The following ZFAT variants were observed in gnomAD, a reference collection of about 807,000 sequenced individuals.
ZFAT encodes zinc finger and AT-hook domain containing, also known as zinc finger protein ZFAT.
ZFAT carries 64 observed loss-of-function variants against 117.7 expected under a neutral mutation model. That is an observed-to-expected ratio of 0.54 (90% CI 0.44 to 0.67). ZFAT has a LOEUF of 0.67. Among genes scored for constraint, ZFAT ranks in the 30% least tolerant of loss-of-function variants. The probability of loss-of-function intolerance (pLI) is 0.00; values close to 1 mark genes in which losing one functional copy is unlikely to be tolerated. For synonymous variants in ZFAT, 679 were observed against 615.0 expected, an observed-to-expected ratio of 1.10 and a Z score of -1.54; for missense variants, 1,433 against 1,584.5, an observed-to-expected ratio of 0.90 and a Z score of 1.62.
At chr8:134,666,594 C>T (rs140378634) in intron 1 of ZFAT, among the ~76,000 whole-genome samples, 147 of 152,158 alleles carry the variant, frequency 9.7e-4, no homozygotes, top group African/African-American at 3.4e-3. Context: ...CATTGTGTCT[C>T]AGCAAAGAAA....
intron 3 of ZFAT, among the ~76,000 whole-genome samples, chr8:134,628,004 C>A (rs762900581): frequency 2.0e-5 from 3 of 152,042 alleles, no homozygotes; most frequent in Admixed American, 1.3e-4. Context: ...GAGGCACGTG[C>A]GCGGCACAAT....
intron 11 of ZFAT, among the ~76,000 whole-genome samples, chr8:134,535,482 TCCCC>T (rs1821762850): frequency 5.9e-5 from 2 of 33,986 alleles, no homozygotes; most frequent in African/African-American, 2.3e-4. Context: ...CCTCTCCCCC[TCCCC>T]CTCCCCCTCC....
intron 2 of ZFAT, among the ~76,000 whole-genome samples, chr8:134,645,758 T>TA (rs887977628): frequency 4.5e-4 from 69 of 152,134 alleles, no homozygotes; most frequent in African/African-American, 1.6e-3. Flanking sequence ...AGCCAGGAAA[T>TA]AGATGTGAAT....
chr8:134,639,885 A>C, intron 2 of ZFAT: 1 of 425,350 alleles, frequency 2.4e-6, no homozygotes, highest in Non-Finnish European at 4.7e-6. Context: ...GACACAAGCC[A>C]CTCCCCTGAA....
the ZFAT span, among the ~76,000 whole-genome samples, chr8:134,739,145 C>G: frequency 0.41 from 61,579 of 151,978 alleles, 13,284 homozygotes; most frequent in Non-Finnish European, 0.5. Flanking sequence ...ATGGATAATG[C>G]CATAGACCCC....
At chr8:134,517,751 T>C (rs1383766139) in intron 13 of ZFAT, among the ~76,000 whole-genome samples, 1 of 152,218 alleles carries the variant, frequency 6.6e-6, no homozygotes, top group Non-Finnish European at 1.5e-5. Flanking sequence ...ATATCTTTCA[T>C]GACCTTGACG....
chr8:134,756,867 A>G, the ZFAT span, among the ~76,000 whole-genome samples: 1 of 152,206 alleles, frequency 6.6e-6, no homozygotes, highest in Non-Finnish European at 1.5e-5. Context: ...CACTGTGGCC[A>G]CAGAATCCAG....
chr8:134,792,551 T>C, the ZFAT span: 1 of 152,210 alleles, frequency 6.6e-6, no homozygotes, highest in African/African-American at 2.4e-5. Context: ...AACAACTGTA[T>C]CTATGTGATT....
At chr8:134,788,389 A>G in the ZFAT span, among the ~76,000 whole-genome samples, 2 of 152,272 alleles carry the variant, frequency 1.3e-5, no homozygotes, top group Admixed American at 1.3e-4. Flanking sequence ...CAAGAAATCT[A>G]TTACATAATT....
At chr8:134,798,216 A>C in the ZFAT span, 1 of 152,030 alleles carries the variant, frequency 6.6e-6, no homozygotes, top group African/African-American at 2.4e-5. Context: ...AATAATTATA[A>C]GATACCAAAT....
chr8:134,670,391 T>C lies in ZFAT; in HGVS notation c.20-12654A>G, dbSNP rs566216394. ...AGCAAATGTAAAAGAACAGAAATTA[T>C]AACAAACTGTCTCTCAGACCACAGT... On this transcript the variant is annotated intron_variant, in intron 1 of 15. Transcript: ENST00000377838. 2.0e-5 allele frequency among the ~76,000 whole-genome samples: 3 copies of C among 152,362 alleles called. No homozygotes were observed. In the East Asian group the frequency reaches 5.8e-4, roughly 29 times the overall value.
In ZFAT at chr8:134,520,978, T is replaced by G. The variant is rs766214200; in HGVS notation, c.3139A>C (p.Ser1047Arg). The G allele has an allele frequency of 3.1e-6, 5 of 1,613,736 alleles. No individual in the cohort carries two copies. The East Asian group carries it at 1.1e-4, about 36-fold the overall frequency. The change falls in exon 13 of 16, where the codon AGC becomes CGC. Residue 1047 changes from serine (S) to arginine (R), a missense_variant. Physicochemically the swap from Ser to Arg is moderately radical, Grantham distance 110 (BLOSUM62 -1). Coordinates refer to ENST00000377838, the MANE Select transcript of ZFAT (RefSeq NM_020863.4). ...TCCCATTTGGTGCCATATACAAAGCTGCAAACAGGACACTTCAAACCACCT... is the reference window on the plus strand; with the variant it reads ...TCCCATTTGGTGCCATATACAAAGCGGCAAACAGGACACTTCAAACCACCT... ...QQGGLKCPVC[S>R]FVYGTKWEFN...
At chr8:134,614,660 G>T (rs1828592017) in intron 3 of ZFAT, among the ~76,000 whole-genome samples, 1 of 152,196 alleles carries the variant, frequency 6.6e-6, no homozygotes, top group Non-Finnish European at 1.5e-5. Context: ...AAGAAGACCT[G>T]CTCTGTTGTG....
chr8:134,760,568 G>A, the ZFAT span, among the ~76,000 whole-genome samples: 1 of 152,178 alleles, frequency 6.6e-6, no homozygotes, highest in Non-Finnish European at 1.5e-5. Flanking sequence ...GGAGTGGCGG[G>A]TGAGTGGGGG....
At chr8:134,771,332 T>C in the ZFAT span, among the ~76,000 whole-genome samples, 2 of 152,210 alleles carry the variant, frequency 1.3e-5, no homozygotes, top group South Asian at 4.1e-4. Flanking sequence ...GATTCCCTGA[T>C]ACTGAATGCC....
rs1234730339 is a variant in ZFAT, at chr8:134,532,926, G to A, written c.3023C>T (p.Ser1008Phe). Residue 1008 changes from serine (S) to phenylalanine (F), a missense_variant, in exon 12 of 16, where the codon TCT becomes TTT. By Grantham distance (155) the Ser-to-Phe change is radical. Coordinates refer to ENST00000377838, the MANE Select transcript of ZFAT (RefSeq NM_020863.4). ...CTTCCTGTTGTAGTGCCGCTTCAGA[G>A]AGCCAGATATGTTGCAGGAGTAATG... The part of the protein sequence containing the change: ...HCHYSCNISG[S>F]LKRHYNRKHP... 3 of 1,609,294 alleles carry A rather than the reference G, an allele frequency of 1.9e-6. No homozygotes were observed. Among genetic ancestry groups the A allele is most frequent in the Non-Finnish European group, 2.5e-6 (3 of 1,177,874 alleles).
chr8:134,514,293 A>G (rs1820086228), intron 13 of ZFAT, among the ~76,000 whole-genome samples: 1 of 152,218 alleles, frequency 6.6e-6, no homozygotes. Context: ...GCTTTACTGC[A>G]TGCTTTTATA....
At chr8:134,631,216 C>T (rs1478790422) in intron 3 of ZFAT, among the ~76,000 whole-genome samples, 1 of 152,246 alleles carries the variant, frequency 6.6e-6, no homozygotes, top group Non-Finnish European at 1.5e-5. Flanking sequence ...AGGACCCTGT[C>T]TGTCTGCCAT....
intron 1 of ZFAT, chr8:134,673,136 C>T (rs1055232119): frequency 6.6e-6 from 1 of 151,640 alleles, no homozygotes; most frequent in Non-Finnish European, 1.5e-5. Flanking sequence ...ATGTTGATAA[C>T]CTTCATAACT....
Sources: gnomAD v4.1 joint callset for allele counts (sites outside exome capture counted in the v4.1 genomes callset) on GRCh38, gnomAD v4.1.1 for gene constraint, MANE v1.5 for transcripts, NCBI Gene and HGNC (gene_info 2026-07-23, HGNC 2026-07-21) for gene names.